The following EIPR1 variants were observed in gnomAD, a reference collection of about 807,000 sequenced individuals.
EIPR1 encodes the protein EARP and GARP complex-interacting protein 1.
EIPR1 carries 25 observed loss-of-function variants against 48.1 expected under a neutral mutation model. That is an observed-to-expected ratio of 0.52 (90% CI 0.38 to 0.73). EIPR1 has a LOEUF of 0.73. EIPR1 is among the 30% of genes least tolerant of loss of function. The pLI, the probability that EIPR1 is intolerant of heterozygous loss-of-function variation, is 0.00. For synonymous variants in EIPR1, 204 were observed against 201.9 expected, an observed-to-expected ratio of 1.01 and a Z score of -0.09; for missense variants, 415 against 506.2, an observed-to-expected ratio of 0.82 and a Z score of 1.73.
chr2:3,241,449 T>C (rs1025272586), intron 4 of EIPR1, among the ~76,000 whole-genome samples: 7 of 152,188 alleles, frequency 4.6e-5, no homozygotes, highest in African/African-American at 1.4e-4. Context: ...GTATGCAAAG[T>C]GCAATAAAAA....
intron 1 of EIPR1, among the ~76,000 whole-genome samples, chr2:3,359,948 A>G (rs1035915165): frequency 3.3e-5 from 5 of 152,210 alleles, no homozygotes; most frequent in African/African-American, 9.7e-5. Flanking sequence ...CAAAGCTACC[A>G]AAGGGGAAAA....
chr2:3,274,650 AT>A (rs1374947104), intron 3 of EIPR1, among the ~76,000 whole-genome samples: 6 of 152,264 alleles, frequency 3.9e-5, no homozygotes, highest in African/African-American at 1.4e-4. Flanking sequence ...AAAAAAAAAA[AT>A]TAAGCGAAAT....
chr2:3,225,236 G>GTGTGTGTT (rs1666024928), intron 4 of EIPR1, among the ~76,000 whole-genome samples: 1 of 150,256 alleles, frequency 6.7e-6, no homozygotes, highest in Non-Finnish European at 1.5e-5. Context: ...GTGTGTGTGT[G>GTGTGTGTT]TGTGTGTGTG....
At chr2:3,216,058 T>C (rs557786548) in intron 4 of EIPR1, among the ~76,000 whole-genome samples, 67 of 152,188 alleles carry the variant, frequency 4.4e-4, no homozygotes, top group Admixed American at 5.9e-4. Flanking sequence ...ATGGTGAAGA[T>C]ACTTGTTTGG....
In EIPR1 at chr2:3,189,996, C is replaced by A. The variant is rs577916379; in HGVS notation, c.990-488G>T. ...GAGTCAGAGGCTGGGGCACAAGGAG[C>A]CTTGCTAGGATGGGAGTGGGGCTGG... is the stretch of plus-strand genomic sequence containing the variant. On this transcript the variant is annotated intron_variant, in intron 8 of 8. Transcript: ENST00000382125. The surrounding 1 kb of genome is among the most constrained non-coding windows in gnomAD (Gnocchi z 4.6). Among the ~76,000 whole-genome samples the A allele has an allele frequency of 1.1e-3, 172 of 152,016 alleles. 1 individual carries two copies. The highest frequency in any genetic ancestry group is 7.9e-4 in the Non-Finnish European group (54 of 67,978).
At position 3,280,355 on chromosome 2, in the gene EIPR1, C is replaced by A. The variant is rs527272725; in HGVS notation, c.260-22900G>T. Among the ~76,000 whole-genome samples, 7 of 152,338 alleles carry A rather than the reference C, an allele frequency of 4.6e-5. No homozygotes were observed. The South Asian group carries it at 1.5e-3, about 32-fold the overall frequency. Reference sequence around the variant, plus strand: ...TCGGACCCGGTCTCCCAACTCCTCGCCCGGCCTCGTTCCCATCCTCCAGGT... The same window carrying A: ...TCGGACCCGGTCTCCCAACTCCTCGACCGGCCTCGTTCCCATCCTCCAGGT... On this transcript the variant is annotated intron_variant, in intron 3 of 8. Transcript: ENST00000382125.
At chr2:3,342,501 G>T (rs1670282057) in intron 2 of EIPR1, among the ~76,000 whole-genome samples, 1 of 152,264 alleles carries the variant, frequency 6.6e-6, no homozygotes, top group African/African-American at 2.4e-5. Flanking sequence ...GGGCTCTTCA[G>T]GACAGTGCAG....
chr2:3,374,807 T>TG (rs1659819534), intron 1 of EIPR1, among the ~76,000 whole-genome samples: 1 of 147,302 alleles, frequency 6.8e-6, no homozygotes, highest in Non-Finnish European at 1.5e-5. Context: ...TCAACCATTG[T>TG]GGAAGTCAGT....
chr2:3,284,627 G>A (rs1668120833), intron 3 of EIPR1, among the ~76,000 whole-genome samples: 1 of 152,262 alleles, frequency 6.6e-6, no homozygotes, highest in Non-Finnish European at 1.5e-5. Flanking sequence ...CCACAAAGCA[G>A]ATGTTATTTC....
At chr2:3,313,149 G>C (rs938239060) in intron 3 of EIPR1, among the ~76,000 whole-genome samples, 3 of 152,174 alleles carry the variant, frequency 2.0e-5, no homozygotes, top group African/African-American at 4.8e-5. Context: ...GCTGCGATGA[G>C]GGCTGCACTT....
intron 2 of EIPR1, among the ~76,000 whole-genome samples, chr2:3,339,563 T>C (rs1670167954): frequency 6.6e-6 from 1 of 152,144 alleles, no homozygotes; most frequent in South Asian, 2.1e-4. Context: ...GACTGGATCA[T>C]GGGGGATGGG....
chr2:3,370,580 A>C (rs1184901263), intron 1 of EIPR1, among the ~76,000 whole-genome samples: 15 of 150,036 alleles, frequency 1.0e-4, no homozygotes, highest in South Asian at 2.1e-4. Flanking sequence ...CTCGAGAACT[A>C]TGTGAAGAAT....
intron 3 of EIPR1, among the ~76,000 whole-genome samples, chr2:3,272,591 T>G (rs552733757): frequency 3.3e-5 from 5 of 152,254 alleles, no homozygotes; most frequent in Middle Eastern, 3.4e-3. Flanking sequence ...CATTTACAGA[T>G]TCACTTTGCC....
intron 4 of EIPR1, among the ~76,000 whole-genome samples, chr2:3,229,198 G>T (rs556238756): frequency 4.9e-4 from 75 of 152,184 alleles, no homozygotes; most frequent in Non-Finnish European, 9.7e-4. Context: ...GATTTTGCTG[G>T]TGATCCACAC....
chr2:3,251,130 A>G (rs1666989808), intron 4 of EIPR1, among the ~76,000 whole-genome samples: 1 of 152,146 alleles, frequency 6.6e-6, no homozygotes, highest in African/African-American at 2.4e-5. Context: ...GTTCAATTCC[A>G]CCCAGGCGGC....
intron 2 of EIPR1, among the ~76,000 whole-genome samples, chr2:3,346,227 G>A (rs185987035): frequency 1.1e-3 from 167 of 152,358 alleles, no homozygotes; most frequent in African/African-American, 2.8e-3. Flanking sequence ...TGGGATAGAC[G>A]AAACTGGCTG....
At chr2:3,339,662 G>A (rs1670170732) in intron 2 of EIPR1, among the ~76,000 whole-genome samples, 1 of 152,200 alleles carries the variant, frequency 6.6e-6, no homozygotes. Flanking sequence ...AAAGTGAGTG[G>A]CATGGGCTGG....
chr2:3,194,359 C>A (rs1262922010), intron 6 of EIPR1, 193 bp from the exon 7 acceptor site: 8 of 577,928 alleles, frequency 1.4e-5, no homozygotes, highest in Non-Finnish European at 2.4e-5. Context: ...CCTGTGTGGT[C>A]GCACCACGCT....
chr2:3,203,708 C>T (rs760282797), intron 5 of EIPR1, among the ~76,000 whole-genome samples: 14 of 152,256 alleles, frequency 9.2e-5, no homozygotes, highest in Non-Finnish European at 1.6e-4. Context: ...GAGCGGCTGG[C>T]CTCTGACCAG....
Sources: allele counts gnomAD v4.1 joint callset (sites outside exome capture counted in the v4.1 genomes callset), GRCh38; gene constraint gnomAD v4.1.1; non-coding constraint Gnocchi (gnomAD v3.1); transcripts MANE v1.5; gene names NCBI Gene and HGNC (gene_info 2026-07-23, HGNC 2026-07-21).